Variants in ZCCHC7 observed in about 807,000 individuals in gnomAD.
ZCCHC7 encodes the protein zinc finger CCHC-type containing 7, also known as zinc finger CCHC domain-containing protein 7.
Under a neutral mutation model 52.0 loss-of-function variants are expected in ZCCHC7, and 35 were observed. That is an observed-to-expected ratio of 0.67 (90% CI 0.51 to 0.89). ZCCHC7 has a LOEUF of 0.89. Among genes scored for constraint, ZCCHC7 ranks in the 40% least tolerant of loss-of-function variants. The pLI, the probability that ZCCHC7 is intolerant of heterozygous loss-of-function variation, is 0.00. For missense variants in ZCCHC7, 574 were observed against 649.1 expected, an observed-to-expected ratio of 0.88 and a Z score of 1.26; for synonymous variants, 217 against 221.5, an observed-to-expected ratio of 0.98 and a Z score of 0.18.
intron 6 of ZCCHC7, among the ~76,000 whole-genome samples, chr9:37,346,434 G>A (rs1245526531): frequency 6.6e-6 from 1 of 152,182 alleles, no homozygotes; most frequent in Non-Finnish European, 1.5e-5. Context: ...TCAGTACTTT[G>A]GGAGGCGAAG....
chr9:37,123,220 T>C (rs867991768), intron 1 of ZCCHC7, among the ~76,000 whole-genome samples: 46 of 123,318 alleles, frequency 3.7e-4, no homozygotes, highest in African/African-American at 8.9e-4. Context: ...TGTGTGTGTG[T>C]GTGTGCGTGT....
At chr9:37,264,057 C>T (rs1193052173) in intron 2 of ZCCHC7, among the ~76,000 whole-genome samples, 1 of 152,116 alleles carries the variant, frequency 6.6e-6, no homozygotes, top group African/African-American at 2.4e-5. Flanking sequence ...AGATCTTAAA[C>T]TAATACTATC....
At chr9:37,153,661 A>T (rs1057141752) in intron 2 of ZCCHC7, among the ~76,000 whole-genome samples, 5 of 151,132 alleles carry the variant, frequency 3.3e-5, no homozygotes, top group African/African-American at 1.2e-4. Context: ...GTGGAGCAAT[A>T]ATATTGGTCA....
At chr9:37,341,717 G>A (rs1820648230) in intron 6 of ZCCHC7, among the ~76,000 whole-genome samples, 1 of 152,076 alleles carries the variant, frequency 6.6e-6, no homozygotes, top group Non-Finnish European at 1.5e-5. Context: ...TGCTCAGGAA[G>A]GCCTTACTGA....
At chr9:37,293,630 T>C (rs3802420) in intron 2 of ZCCHC7, among the ~76,000 whole-genome samples, 20,784 of 152,160 alleles carry the variant, frequency 0.14, 1,721 homozygotes, top group Non-Finnish European at 0.17. Flanking sequence ...AAAAAACAAC[T>C]TCCATAATCT....
intron 2 of ZCCHC7, among the ~76,000 whole-genome samples, chr9:37,154,683 C>T (rs923472596): frequency 1.3e-5 from 2 of 151,054 alleles, no homozygotes; most frequent in African/African-American, 2.4e-5. Flanking sequence ...TAAATAGGGA[C>T]GAGGTTTTGC....
intron 2 of ZCCHC7, among the ~76,000 whole-genome samples, chr9:37,198,869 A>G (rs766077692): frequency 5.3e-5 from 8 of 152,212 alleles, no homozygotes; most frequent in Non-Finnish European, 8.8e-5. Flanking sequence ...CTCGTGTTCA[A>G]TACCTTTTTT....
chr9:37,215,158 T>C (rs1228505210), intron 2 of ZCCHC7, among the ~76,000 whole-genome samples: 2 of 152,160 alleles, frequency 1.3e-5, no homozygotes, highest in African/African-American at 4.8e-5. Flanking sequence ...TTTGACTGTG[T>C]TAAAGAGTGT....
chr9:37,327,247 G>A (rs1243337467), intron 5 of ZCCHC7: 1 of 152,030 alleles, frequency 6.6e-6, no homozygotes, highest in Admixed American at 6.6e-5. Context: ...AGATTAGACA[G>A]TTTGGACTTT....
chr9:37,193,987 T>C (rs1338306847), intron 2 of ZCCHC7, among the ~76,000 whole-genome samples: 1 of 152,218 alleles, frequency 6.6e-6, no homozygotes, highest in Non-Finnish European at 1.5e-5. Context: ...GTTTTCATTA[T>C]GATTTTCAGG....
chr9:37,273,584 G>A (rs543928321), intron 2 of ZCCHC7, among the ~76,000 whole-genome samples: 6 of 152,316 alleles, frequency 3.9e-5, no homozygotes, highest in Admixed American at 2.6e-4. Context: ...GATCTCCTCA[G>A]CAAGGGTAAT....
At chr9:37,250,809 T>C (rs1026617304) in intron 2 of ZCCHC7, among the ~76,000 whole-genome samples, 14 of 152,222 alleles carry the variant, frequency 9.2e-5, no homozygotes, top group African/African-American at 2.9e-4. Context: ...GGCAGATCTT[T>C]CATTTATTAG....
chr9:37,302,282 T>C (rs1215188194), intron 3 of ZCCHC7, 51 bp downstream of exon 3: 2 of 1,422,306 alleles, frequency 1.4e-6, no homozygotes, highest in Non-Finnish European at 2.0e-6. Flanking sequence ...CTTTGCTTCA[T>C]AGTTTATTAT....
chr9:37,292,275 A>T (rs1369222600), intron 2 of ZCCHC7, among the ~76,000 whole-genome samples: 2 of 152,198 alleles, frequency 1.3e-5, no homozygotes, highest in South Asian at 2.1e-4. Context: ...GAATGGTGAA[A>T]ACTATTTTTC....
At chr9:37,330,862 CAG>C (rs1161076917) in intron 6 of ZCCHC7, among the ~76,000 whole-genome samples, 1 of 151,504 alleles carries the variant, frequency 6.6e-6, no homozygotes, top group Non-Finnish European at 1.5e-5. Context: ...TGGCCACCAA[CAG>C]AGTTTTACAA....
Position 37,354,638 on chromosome 9 carries a change from C to T in ZCCHC7, c.1084-72C>T. ...ATGGGGCTCATTTCTAATTAACATGCTCCAGAATCTTGCAAAAAGGTTTTT... is the reference window on the plus strand; with the variant it reads ...ATGGGGCTCATTTCTAATTAACATGTTCCAGAATCTTGCAAAAAGGTTTTT... On this transcript the variant is annotated intron_variant, in intron 7 of 8. Coordinates refer to ENST00000336755, the MANE Select transcript of ZCCHC7 (RefSeq NM_032226.3). This position sits in a 1 kb window ranked among gnomAD's most constrained non-coding sequence, Gnocchi z 4.0. 9.4e-7 allele frequency: 1 copy of T among 1,065,436 alleles called. No individual in the cohort carries two copies. Among genetic ancestry groups the T allele is most frequent in the Non-Finnish European group, 1.4e-6 (1 of 705,376 alleles). 66.0% of individuals were successfully genotyped at this position (1,065,436 alleles called of 1,614,324 possible).
chr9:37,235,533 TC>T (rs1175567929), intron 2 of ZCCHC7, among the ~76,000 whole-genome samples: 8 of 48,596 alleles, frequency 1.6e-4, no homozygotes, highest in African/African-American at 6.9e-4. Context: ...TCCCTTCCCC[TC>T]CCCCCTCCCC....
chr9:37,278,268 G>A (rs117767820), intron 2 of ZCCHC7, among the ~76,000 whole-genome samples: 1 of 152,004 alleles, frequency 6.6e-6, no homozygotes, highest in Non-Finnish European at 1.5e-5. Flanking sequence ...TATGCTCAAG[G>A]ATATAAAATG....
intron 2 of ZCCHC7, among the ~76,000 whole-genome samples, chr9:37,137,157 G>A (rs1843029380): frequency 6.6e-6 from 1 of 152,196 alleles, no homozygotes. Flanking sequence ...TAAAATGCAT[G>A]ACAGTATGGA....
Sources: gnomAD v4.1 joint callset for allele counts (sites outside exome capture counted in the v4.1 genomes callset) on GRCh38, gnomAD v4.1.1 for gene constraint, Gnocchi (gnomAD v3.1) non-coding constraint, MANE v1.5 for transcripts, NCBI Gene and HGNC (gene_info 2026-07-23, HGNC 2026-07-21) for gene names.